Variants in KIF2C observed in about 807,000 individuals in gnomAD.
KIF2C encodes the protein kinesin-like protein KIF2C.
Under a neutral mutation model 97.4 loss-of-function variants are expected in KIF2C, and 34 were observed. The observed-to-expected ratio is 0.35, with a 90% CI of 0.27 to 0.46. The LOEUF (loss-of-function observed/expected upper bound fraction) is 0.46. KIF2C is among the 20% of genes least tolerant of loss of function. The pLI, the probability that KIF2C is intolerant of heterozygous loss-of-function variation, is 1.00. For missense variants in KIF2C, 750 were observed against 907.6 expected (o/e 0.83, Z 2.23); for synonymous variants, 313 against 318.2 (o/e 0.98, Z 0.17).
rs1300124985 is a variant in KIF2C at position 44,766,742 on chromosome 1, A to T, written c.1972-84A>T. 2.8e-6 allele frequency: 4 copies of T among 1,444,914 alleles called. No homozygotes were observed. The East Asian group carries it at 9.3e-5, about 34-fold the overall frequency. The allele number at this position is 1,444,914 out of a possible 1,614,324, so 89.5% of individuals were successfully genotyped here. A position where few individuals can be genotyped will look rare whatever the true frequency, so the allele number is the denominator to read the frequency against. On this transcript the variant is annotated intron_variant, in intron 19 of 20. Coordinates refer to ENST00000372224, the MANE Select transcript of KIF2C (RefSeq NM_006845.4). ...GGACCAGAGGTAAAGCATCTTACTC[A>T]GGTGTCTGCATTGCAGTTGGTAGGA...
chr1:44,751,998 T>C (rs1334488910), intron 5 of KIF2C, among the ~76,000 whole-genome samples: 3 of 151,380 alleles, frequency 2.0e-5, no homozygotes, highest in Non-Finnish European at 4.4e-5. Context: ...ATTTTTGTAT[T>C]TTTAGTAGAG....
At chr1:44,755,833 G>T in intron 8 of KIF2C, 96 bp from the exon 9 acceptor site, 2 of 1,153,556 alleles carry the variant, frequency 1.7e-6, no homozygotes, top group Non-Finnish European at 2.6e-6. Flanking sequence ...GACTGGGCCA[G>T]ACATGGGATT....
Position 44,760,890 on chromosome 1 carries a change from G to A in KIF2C, c.1683+188G>A. On this transcript the variant is annotated intron_variant, in intron 16 of 20. Transcript: ENST00000372224. This position sits in a 1 kb window ranked among gnomAD's most constrained non-coding sequence, Gnocchi z 4.2. The stretch of plus-strand genomic sequence containing the variant: ...ACTCCTTGTGGCCTAACCAAGCGTG[G>A]AGGAAAGGATCTATTCCCTTTAAGA... 3.4e-6 allele frequency: 2 copies of A among 590,100 alleles called. No homozygotes were observed. Among genetic ancestry groups the A allele is most frequent in the African/African-American group, 1.9e-5 (1 of 53,794 alleles). The allele number at this position is 590,100 out of a possible 1,614,324, so 36.6% of individuals were successfully genotyped here. A position where few individuals can be genotyped will look rare whatever the true frequency, so the allele number is the denominator to read the frequency against.
At position 44,759,462 on chromosome 1, in the gene KIF2C, G is replaced by A. The variant is rs1051093782; in HGVS notation, c.1367+114G>A. The A allele has an allele frequency of 3.2e-6, 4 of 1,268,784 alleles. No homozygotes were observed. The African/African-American group carries it at 4.4e-5, about 14-fold the overall frequency. 78.6% of individuals were successfully genotyped at this position (1,268,784 alleles called of 1,614,324 possible). A position where few individuals can be genotyped will look rare whatever the true frequency, so the allele number is the denominator to read the frequency against. Reference sequence around the variant, plus strand: ...AGTGCTGCTTTGCCCAGTTTGGTAAGGGCTGCGAAGGCCTCTGCTTTACGG... The same window carrying A: ...AGTGCTGCTTTGCCCAGTTTGGTAAAGGCTGCGAAGGCCTCTGCTTTACGG... On this transcript the variant is annotated intron_variant, in intron 14 of 20. Transcript: ENST00000372224.
At chr1:44,744,089 TGTTTG>T (rs1319217686) in intron 2 of KIF2C, among the ~76,000 whole-genome samples, 1 of 145,504 alleles carries the variant, frequency 6.9e-6, no homozygotes, top group African/African-American at 2.6e-5. Flanking sequence ...TTTTTTTTTT[TGTTTG>T]TTTGTTTGTT....
At chr1:44,746,906 T>G (rs770767449) in intron 2 of KIF2C, 24 of 924,210 alleles carry the variant, frequency 2.6e-5, no homozygotes, top group Non-Finnish European at 3.7e-5. Flanking sequence ...TTGTTTGTTT[T>G]TTGTTTTTTG....
intron 18 of KIF2C, 38 bp from the exon 19 acceptor site, chr1:44,762,507 C>T (rs1650215850): frequency 1.9e-6 from 3 of 1,609,116 alleles, no homozygotes; most frequent in Non-Finnish European, 2.6e-6. Context: ...GAGGCGGCAC[C>T]TGGGTCACAT....
At chr1:44,763,912 A>T (rs377472123) in intron 19 of KIF2C, among the ~76,000 whole-genome samples, 4 of 152,030 alleles carry the variant, frequency 2.6e-5, no homozygotes, top group African/African-American at 4.8e-5. Context: ...GGGCGCCTGT[A>T]ATCTCAGCTA....
intron 1 of KIF2C, among the ~76,000 whole-genome samples, chr1:44,740,704 T>C (rs1648887852): frequency 6.6e-6 from 1 of 152,124 alleles, no homozygotes; most frequent in Non-Finnish European, 1.5e-5. Context: ...CAGCTCAGTT[T>C]AAAAACCTGT....
rs754039935 is a variant in KIF2C at position 44,739,972 on chromosome 1, G to A, written c.40G>A (p.Gly14Ser). The A allele has an allele frequency of 6.3e-5, 101 of 1,614,058 alleles. No homozygotes were observed. Among genetic ancestry groups the A allele is most frequent in the Non-Finnish European group, 8.4e-5 (99 of 1,180,038 alleles). The change falls in exon 1 of 21, where the codon GGT becomes AGT. Residue 14 changes from glycine (G) to serine (S), a missense_variant. Gly to Ser is a moderately conservative substitution (Grantham distance 56). Coordinates refer to ENST00000372224, the MANE Select transcript of KIF2C (RefSeq NM_006845.4). ...GTCGCTTCAGGCCCGCCTGTTTCCC[G>A]GTCTCGCTATCAAGATCCAACGCAG... is the stretch of plus-strand genomic sequence containing the variant. ...DSSLQARLFP[G>S]LAIKIQRSNG...
chr1:44,754,961 T>A (rs763977126), intron 8 of KIF2C, 116 bp downstream of exon 8: 183 of 650,504 alleles, frequency 2.8e-4, no homozygotes, highest in Non-Finnish European at 5.5e-5. Flanking sequence ...GGTTTTATTA[T>A]TATTTTTTTT....
At chr1:44,753,001 A>G in intron 5 of KIF2C, 131 bp from the exon 6 acceptor site, 1 of 1,115,220 alleles carries the variant, frequency 9.0e-7, no homozygotes, top group Non-Finnish European at 1.3e-6. Context: ...GAAAAGCACA[A>G]GCTCTGCACA....
Position 44,741,016 on chromosome 1 carries a change from T to C in KIF2C, c.165+9T>C, listed in dbSNP as rs775574160. 6.3e-7 allele frequency: 1 copy of C among 1,596,468 alleles called. No homozygotes were observed. Among genetic ancestry groups the C allele is most frequent in the Non-Finnish European group, 8.6e-7 (1 of 1,164,298 alleles). ...CCACAAAGGGCAAAGAGGTAGGTTC[T>C]ATGAGAATTCCTCTACCACATTTAA... On this transcript the variant is annotated intron_variant, in intron 2 of 20. Transcript: ENST00000372224.
rs1415067506 is a variant in KIF2C at position 44,759,254 on chromosome 1, G to A, written c.1273G>A (p.Gly425Ser). The A allele has an allele frequency of 4.9e-5, 79 of 1,614,034 alleles. No individual in the cohort carries two copies. Among genetic ancestry groups the A allele is most frequent in the Non-Finnish European group, 5.9e-5 (70 of 1,180,050 alleles). Reference protein sequence around the residue: ...KKAKLRVLEDGKQQVQVVGLQ... With the variant: ...KKAKLRVLEDSKQQVQVVGLQ... ...GGCCAAGCTGCGCGTGCTGGAGGAC[G>A]GCAAGCAACAGGTGCAAGTGGTGGG... Residue 425 changes from glycine (G) to serine (S), a missense_variant, in exon 14 of 21, where the codon GGC (glycine) becomes AGC (serine). Physicochemically the swap from Gly to Ser is moderately conservative, Grantham distance 56. Coordinates refer to ENST00000372224, the MANE Select transcript of KIF2C (RefSeq NM_006845.4).
Position 44,760,582 on chromosome 1 carries a change from GC to G in KIF2C, c.1573-5del, listed in dbSNP as rs1369730974. ...AGAAGGGACCTCAGTTGTTCCTGCT[GC>G]CCCCACAGGAGTGCATCAGGGCCCT... On this transcript the variant is annotated splice_polypyrimidine_tract_variant and intron_variant, in intron 15 of 20. Coordinates refer to ENST00000372224, the MANE Select transcript of KIF2C (RefSeq NM_006845.4). This position sits in a 1 kb window ranked among gnomAD's most constrained non-coding sequence, Gnocchi z 4.2. 6.2e-7 allele frequency: 1 copy of G among 1,613,718 alleles called. No homozygotes were observed. Among genetic ancestry groups the G allele is most frequent in the East Asian group, 2.2e-5 (1 of 44,884 alleles).
intron 2 of KIF2C, among the ~76,000 whole-genome samples, chr1:44,742,736 A>C (rs1648998267): frequency 6.6e-6 from 1 of 151,232 alleles, no homozygotes; most frequent in African/African-American, 2.4e-5. Context: ...AAAAAAAAAA[A>C]ACAAACTGCA....
In KIF2C at chr1:44,760,962, C is replaced by A. The variant is rs969776536; in HGVS notation, c.1683+260C>A. The stretch of plus-strand genomic sequence containing the variant: ...TTGGGAGAGGTCATTCCTGCATTAC[C>A]TGATGAAAAGGGGGTTCCAGAATTC... On this transcript the variant is annotated intron_variant, in intron 16 of 20. Transcript: ENST00000372224. The surrounding 1 kb of genome is among the most constrained non-coding windows in gnomAD (Gnocchi z 4.2). 2.4e-6 allele frequency: 1 copy of A among 414,572 alleles called. No homozygotes were observed. The highest frequency in any genetic ancestry group is 4.4e-6 in the Non-Finnish European group (1 of 225,990). The allele number at this position is 414,572 out of a possible 1,614,324, so 25.7% of individuals were successfully genotyped here.
rs1465914494 is a variant in KIF2C at position 44,739,986 on chromosome 1, G to A, written c.54G>A (p.Lys18=). The A allele has an allele frequency of 1.9e-6, 3 of 1,614,118 alleles. No homozygotes were observed. The highest frequency in any genetic ancestry group is 2.5e-6 in the Non-Finnish European group (3 of 1,180,044). Residue 18 remains lysine (K), a synonymous_variant, in exon 1 of 21, where the codon AAG becomes AAA. Transcript: ENST00000372224. The part of the protein sequence containing the change: ...QARLFPGLAI[K]IQRSNGLIHS... ...GCCTGTTTCCCGGTCTCGCTATCAA[G>A]ATCCAACGCAGTAATGGTGAGGAGC...
At chr1:44,746,604 C>A in intron 2 of KIF2C, 9 of 1,436,644 alleles carry the variant, frequency 6.3e-6, no homozygotes, top group South Asian at 1.5e-5. Context: ...CCAGCAGGAC[C>A]TCACTGCCCA....
Sources: gnomAD v4.1 joint callset for allele counts (sites outside exome capture counted in the v4.1 genomes callset) on GRCh38, gnomAD v4.1.1 for gene constraint, Gnocchi (gnomAD v3.1) non-coding constraint, MANE v1.5 for transcripts, NCBI Gene and HGNC (gene_info 2026-07-23, HGNC 2026-07-21) for gene names.